The following SMPD4 variants were observed in gnomAD, a reference collection of about 807,000 sequenced individuals.
The protein encoded by SMPD4 is sphingomyelin phosphodiesterase 4.
In SMPD4, 58 loss-of-function variants were observed where a neutral mutation model predicts 97.8. That is an observed-to-expected ratio of 0.59 (90% CI 0.48 to 0.74). SMPD4 has a LOEUF of 0.74. SMPD4 is among the 30% of genes least tolerant of loss of function. The pLI is 0.00. For synonymous variants in SMPD4, 388 were observed against 450.0 expected (o/e 0.86, Z 1.74); for missense variants, 853 against 1,080.5 (o/e 0.79, Z 2.95).
chr2:130,165,847 G>A (rs1687878243), intron 9 of SMPD4, among the ~76,000 whole-genome samples: 1 of 152,146 alleles, frequency 6.6e-6, no homozygotes. Context: ...TAAGATTAGA[G>A]GTGTGAGGCC....
At chr2:130,152,906 G>A (rs761202365) in intron 19 of SMPD4, 22 bp from the exon 20 acceptor site, 36 of 1,566,598 alleles carry the variant, frequency 2.3e-5, no homozygotes, top group East Asian at 9.0e-5. Context: ...ACAGAGGCAC[G>A]GGGATGTGGG....
At chr2:130,158,800 G>A (rs1362935121) in intron 11 of SMPD4, among the ~76,000 whole-genome samples, 1 of 152,096 alleles carries the variant, frequency 6.6e-6, no homozygotes, top group Non-Finnish European at 1.5e-5. Context: ...CTAGCCCTTT[G>A]GGCCGTAACA....
intron 15 of SMPD4, 148 bp from the exon 16 acceptor site, chr2:130,154,630 C>A (rs1175427649): frequency 9.2e-7 from 1 of 1,088,824 alleles, no homozygotes; most frequent in South Asian, 1.4e-5. Context: ...GCATCTCCCA[C>A]ACAGTAGGTG....
At chr2:130,175,839 A>G (rs1419131159) in intron 2 of SMPD4, among the ~76,000 whole-genome samples, 29 of 152,246 alleles carry the variant, frequency 1.9e-4, no homozygotes, top group Non-Finnish European at 2.9e-4. Flanking sequence ...GACCTGAGCT[A>G]TCTGGCCATG....
intron 12 of SMPD4, among the ~76,000 whole-genome samples, chr2:130,156,986 T>A (rs984122221): frequency 1.6e-4 from 24 of 152,142 alleles, no homozygotes; most frequent in South Asian, 4.1e-4. Flanking sequence ...CCAACTCTTC[T>A]GACAGGGTTG....
chr2:130,168,998 G>C (rs1178605960), intron 8 of SMPD4, among the ~76,000 whole-genome samples: 1 of 152,160 alleles, frequency 6.6e-6, no homozygotes, highest in African/African-American at 2.4e-5. Context: ...TGGAATTACA[G>C]GCATGAGCCA....
intron 12 of SMPD4, 102 bp downstream of exon 12, chr2:130,157,149 C>T (rs35560314): frequency 1.5e-5 from 22 of 1,436,178 alleles, no homozygotes; most frequent in African/African-American, 9.9e-5. Flanking sequence ...GGACTCCCCT[C>T]ACCCTGCCCT....
At chr2:130,168,030 AT>A (rs765710859) in intron 8 of SMPD4, among the ~76,000 whole-genome samples, 1 of 152,076 alleles carries the variant, frequency 6.6e-6, no homozygotes, top group Non-Finnish European at 1.5e-5. Flanking sequence ...ATGAGAACCT[AT>A]CTCCACAAAA....
Position 130,167,542 on chromosome 2 carries a change from G to A in SMPD4, c.708C>T (p.Leu236=). The A allele has an allele frequency of 1.9e-6, 3 of 1,613,874 alleles. No homozygotes were observed. The highest frequency in any genetic ancestry group is 3.3e-4 in the Middle Eastern group (2 of 6,050). Reference sequence around the variant, plus strand: ...TCTGATGAGAGATGTGTCGCTTTAGGAGGCTAGTGTGGTGGAGGCCATAGG... The same window carrying A: ...TCTGATGAGAGATGTGTCGCTTTAGAAGGCTAGTGTGGTGGAGGCCATAGG... The part of the protein sequence containing the change: ...FASYGLHHTS[L]LKRHISHQTS... Residue 236 remains leucine, a synonymous_variant, in exon 9 of 20, where the codon CTC becomes CTT. Transcript: ENST00000680298.
intron 8 of SMPD4, among the ~76,000 whole-genome samples, chr2:130,171,895 C>T (rs537635004): frequency 6.6e-6 from 1 of 152,260 alleles, no homozygotes; most frequent in Non-Finnish European, 1.5e-5. Context: ...TTCACACTCC[C>T]AACCTGTGCA....
rs1171444961 is a variant in SMPD4, at chr2:130,164,436, C to A, written c.802G>T (p.Glu268Ter). The A allele has an allele frequency of 6.2e-7, 1 of 1,614,032 alleles. No individual in the cohort carries two copies. The highest frequency in any genetic ancestry group is 1.1e-5 in the South Asian group (1 of 91,064). ...RSETLLQVFV[E>*]MWLHHYSLEM... ...AAGGAATAGTGATGAAGCCACATTTCAACAAAAACCTGCAAAAAAGCATTA... is the reference window on the plus strand; with the variant it reads ...AAGGAATAGTGATGAAGCCACATTTAAACAAAAACCTGCAAAAAAGCATTA... Residue 268 changes from glutamate to a stop codon, truncating the protein, a stop_gained, in exon 10 of 20, where the codon GAA becomes TAA. Coordinates refer to ENST00000680298, the MANE Select transcript of SMPD4 (RefSeq NM_017951.5). LOFTEE classifies it high-confidence loss of function.
intron 8 of SMPD4, among the ~76,000 whole-genome samples, chr2:130,168,265 A>T (rs1254788762): frequency 6.6e-6 from 1 of 152,104 alleles, no homozygotes; most frequent in Non-Finnish European, 1.5e-5. Context: ...TCCACAAAAA[A>T]ATACAAAAAT....
At position 130,167,511 on chromosome 2, in the gene SMPD4, C is replaced by CGA; in HGVS notation, c.738_739insTC (p.Val247SerfsTer2). On this transcript the variant is annotated frameshift_variant, in exon 9 of 20. Transcript: ENST00000680298. LOFTEE classifies it high-confidence loss of function. The stretch of plus-strand genomic sequence containing the variant: ...TCGTGGGAGGCGGGGTCTGCATTCA[C>CGA]AGACGTCTGATGAGAGATGTGTCGC... 6.2e-7 allele frequency: 1 copy of CGA among 1,613,884 alleles called. No individual in the cohort carries two copies. Among genetic ancestry groups the CGA allele is most frequent in the South Asian group, 1.1e-5 (1 of 91,072 alleles).
At chr2:130,180,951 A>AT (rs567626282) in intron 1 of SMPD4, among the ~76,000 whole-genome samples, 188 of 151,798 alleles carry the variant, frequency 1.2e-3, no homozygotes, top group African/African-American at 4.4e-3. Context: ...TCCAACACCT[A>AT]TTTTCTCCAG....
chr2:130,157,073 A>G (rs932824195), intron 12 of SMPD4, among the ~76,000 whole-genome samples, 178 bp downstream of exon 12: 2 of 152,076 alleles, frequency 1.3e-5, no homozygotes, highest in African/African-American at 4.8e-5. Context: ...CTGGGAGCCA[A>G]CTGGGCGGGG....
Position 130,152,575 on chromosome 2 carries a change from C to T in SMPD4, c.2464G>A (p.Gly822Arg), listed in dbSNP as rs757942848. 6.5e-7 allele frequency: 1 copy of T among 1,547,950 alleles called. No homozygotes were observed. The highest frequency in any genetic ancestry group is 8.7e-7 in the Non-Finnish European group (1 of 1,145,474). ...ASAMTLLTERGKLHQP is the reference protein window; with the variant it reads ...ASAMTLLTERRKLHQP Reference sequence around the variant, plus strand: ...CACCTTCAGGGCTGGTGCAGCTTCCCCCGCTCGGTCAGCAGTGTCATGGCA... The same window carrying T: ...CACCTTCAGGGCTGGTGCAGCTTCCTCCGCTCGGTCAGCAGTGTCATGGCA... Residue 822 changes from glycine (G) to arginine (R), a missense_variant, in exon 20 of 20, where the codon GGG becomes AGG. Coordinates refer to ENST00000680298, the MANE Select transcript of SMPD4 (RefSeq NM_017951.5).
intron 12 of SMPD4, 117 bp downstream of exon 12, chr2:130,157,134 G>C (rs1390220868): frequency 8.4e-7 from 1 of 1,194,690 alleles, no homozygotes; most frequent in Non-Finnish European, 1.2e-6. Flanking sequence ...TCTGTGAACA[G>C]AAAGGGACTC....
intron 15 of SMPD4, 100 bp from the exon 16 acceptor site, chr2:130,154,582 C>G (rs1374337135): frequency 1.8e-5 from 28 of 1,513,956 alleles, no homozygotes; most frequent in Non-Finnish European, 2.5e-5. Flanking sequence ...TCTGGGGAGC[C>G]ATGACCCAGG....
chr2:130,156,190 G>C (rs1686785428), intron 13 of SMPD4, 55 bp from the exon 14 acceptor site: 1 of 1,511,052 alleles, frequency 6.6e-7, no homozygotes, highest in Admixed American at 1.8e-5. Flanking sequence ...ATACTCGGTG[G>C]CCTGGAGCCC....
Sources: allele counts gnomAD v4.1 joint callset (sites outside exome capture counted in the v4.1 genomes callset), GRCh38; gene constraint gnomAD v4.1.1; transcripts MANE v1.5; gene names NCBI Gene and HGNC (gene_info 2026-07-23, HGNC 2026-07-21).